RIT1: variants seen among roughly 807,000 people sequenced by gnomAD.
RIT1 encodes Ras like without CAAX 1, also known as GTP-binding protein Rit1.
RIT1 carries 6 observed loss-of-function variants against 25.6 expected under a neutral mutation model. The ratio of observed to expected loss-of-function variants is 0.23; its 90% confidence interval spans 0.13 to 0.46. RIT1 has a LOEUF of 0.46. RIT1 is among the 20% of genes least tolerant of loss of function. The pLI, the probability that RIT1 is intolerant of heterozygous loss-of-function variation, is 0.99. For synonymous variants in RIT1, 81 were observed against 94.1 expected (o/e 0.86, Z 0.80); for missense variants, 219 against 284.4 (o/e 0.77, Z 1.65).
rs1415725131 is a variant in RIT1, at chr1:155,904,895, C to A, written c.164-91G>T. 1.1e-5 allele frequency: 9 copies of A among 807,754 alleles called. No homozygotes were observed. In the African/African-American group the frequency reaches 1.5e-4, roughly 14 times the overall value. 50.0% of individuals were successfully genotyped at this position (807,754 alleles called of 1,614,324 possible). A position where few individuals can be genotyped will look rare whatever the true frequency, so the allele number is the denominator to read the frequency against. On this transcript the variant is annotated intron_variant, in intron 3 of 5. Coordinates refer to ENST00000368323, the MANE Select transcript of RIT1 (RefSeq NM_006912.6). ...CATCTTACAGAGTAGTACATTGTATCCAAATTCATTAAATGCCCACATTTT... is the reference window on the plus strand; with the variant it reads ...CATCTTACAGAGTAGTACATTGTATACAAATTCATTAAATGCCCACATTTT...
intron 5 of RIT1, among the ~76,000 whole-genome samples, chr1:155,903,623 A>C: frequency 6.6e-6 from 1 of 152,132 alleles, no homozygotes; most frequent in East Asian, 1.9e-4. Flanking sequence ...CTTCTACCAT[A>C]AATAGTCTTG....
At chr1:155,910,879 T>G in intron 1 of RIT1, 75 bp from the exon 2 acceptor site, 1 of 1,583,230 alleles carries the variant, frequency 6.3e-7, no homozygotes, top group Non-Finnish European at 8.6e-7. Flanking sequence ...GTGCCTTACC[T>G]TTCCATACAT....
At chr1:155,903,122 C>A (rs1432049450) in intron 5 of RIT1, among the ~76,000 whole-genome samples, 1 of 151,948 alleles carries the variant, frequency 6.6e-6, no homozygotes, top group South Asian at 2.1e-4. Context: ...ACGGTGAAAC[C>A]CCATCTCACT....
chr1:155,905,205 T>C (rs558471836), intron 3 of RIT1, among the ~76,000 whole-genome samples: 2 of 152,130 alleles, frequency 1.3e-5, no homozygotes, highest in East Asian at 3.9e-4. Flanking sequence ...CTCATCTTTT[T>C]TTTTTTTTCT....
At chr1:155,906,762 C>CAAAAAAAAAAAAAAAAAAAAAAAA in intron 3 of RIT1, among the ~76,000 whole-genome samples, 1 of 24,910 alleles carries the variant, frequency 4.0e-5, no homozygotes, top group Non-Finnish European at 9.7e-5. Context: ...TTCTCCGTCT[C>CAAAAAAAAAAAAAAAAAAAAAAAA]AAAAAAAAAA....
rs1673217209 is a variant in RIT1, at chr1:155,897,833, A to G, written c.*2555T>C. The G allele has an allele frequency of 6.6e-6, 1 of 152,354 alleles. No homozygotes were observed. The highest frequency in any genetic ancestry group is 1.5e-5 in the Non-Finnish European group (1 of 68,038). 9.4% of individuals were successfully genotyped at this position (152,354 alleles called of 1,614,324 possible). ...TTGTTTAAAAGTTTTGTATTATGTC[A>G]TACAAACTGTCTTCACATACAAGTG... On this transcript the variant is annotated 3_prime_UTR_variant, in exon 6 of 6. Coordinates refer to ENST00000368323, the MANE Select transcript of RIT1 (RefSeq NM_006912.6).
chr1:155,900,898 C>G lies in RIT1; in HGVS notation c.430-280G>C, dbSNP rs370776643. Among the ~76,000 whole-genome samples the G allele has an allele frequency of 1.2e-4, 19 of 152,242 alleles. 1 individual carries two copies. The East Asian group carries it at 1.9e-3, about 15-fold the overall frequency. Reference sequence around the variant, plus strand: ...CAATGGCATGATTGTGGCTCACAACCTCGGCCTCCCGGGTTCAAGTGATTC... The same window carrying G: ...CAATGGCATGATTGTGGCTCACAACGTCGGCCTCCCGGGTTCAAGTGATTC... On this transcript the variant is annotated intron_variant, in intron 5 of 5. Coordinates refer to ENST00000368323, the MANE Select transcript of RIT1 (RefSeq NM_006912.6).
Position 155,898,492 on chromosome 1 carries a change from T to TTAAAA in RIT1, c.*1895_*1896insTTTTA, listed in dbSNP as rs1491498831. The TTAAAA allele has an allele frequency of 2.9e-5, 1 of 34,312 alleles. No homozygotes were observed. The highest frequency in any genetic ancestry group is 9.3e-5 in the African/African-American group (1 of 10,804). The allele number at this position is 34,312 out of a possible 1,614,324, so 2.1% of individuals were successfully genotyped here. On this transcript the variant is annotated 3_prime_UTR_variant, in exon 6 of 6. Coordinates refer to ENST00000368323, the MANE Select transcript of RIT1 (RefSeq NM_006912.6). ...AACATAGTGAAACCTCATCTCTATT[T>TTAAAA]AAAAAAAAAAAAAAAAAAAAAAAAA... is the stretch of plus-strand genomic sequence containing the variant.
intron 3 of RIT1, among the ~76,000 whole-genome samples, chr1:155,905,298 G>A (rs749030735): frequency 2.0e-5 from 3 of 151,972 alleles, no homozygotes; most frequent in Non-Finnish European, 2.9e-5. Flanking sequence ...CCAGGCTCCA[G>A]TGATTCTCCC....
At position 155,911,319 on chromosome 1, in the gene RIT1, G is replaced by C. The variant is rs1447673378; in HGVS notation, c.-120C>G. The C allele has an allele frequency of 5.3e-6, 1 of 189,866 alleles. No individual in the cohort carries two copies. Among genetic ancestry groups the C allele is most frequent in the Non-Finnish European group, 1.1e-5 (1 of 90,302 alleles). 11.8% of individuals were successfully genotyped at this position (189,866 alleles called of 1,614,324 possible). On this transcript the variant is annotated 5_prime_UTR_variant, in exon 1 of 6. Transcript: ENST00000368323. ...CACAGCCGGTCGGGTCACGCACTTC[G>C]TCTTCCTTCACTCGCGGAGGCTCCG... is the stretch of plus-strand genomic sequence containing the variant.
intron 3 of RIT1, among the ~76,000 whole-genome samples, chr1:155,906,748 GAAATTCTCCGTCTCAAAAAAAAA>G (rs1238639914): frequency 1.1e-5 from 1 of 91,612 alleles, no homozygotes; most frequent in Non-Finnish European, 2.0e-5. Flanking sequence ...CAACAGGAGT[GAAATTCTCCGTCTCAAAAAAAAA>G]AAAAAAAAAA....
chr1:155,904,161 C>A lies in RIT1; in HGVS notation c.429+150G>T, dbSNP rs141525708. 849 of 597,374 alleles carry A rather than the reference C, an allele frequency of 1.4e-3. 5 individuals carry two copies. The African/African-American group carries it at 0.015, about 10-fold the overall frequency. The allele number at this position is 597,374 out of a possible 1,614,324, so 37.0% of individuals were successfully genotyped here. On this transcript the variant is annotated intron_variant, in intron 5 of 5. Transcript: ENST00000368323. ...TTAAGCAACCTGCCCACCTTGGCCCCGCAAAGTACTGGTGTGAGCCACCTC... is the reference window on the plus strand; with the variant it reads ...TTAAGCAACCTGCCCACCTTGGCCCAGCAAAGTACTGGTGTGAGCCACCTC...
chr1:155,907,793 T>C (rs1673477814), intron 3 of RIT1, among the ~76,000 whole-genome samples: 1 of 152,184 alleles, frequency 6.6e-6, no homozygotes, highest in African/African-American at 2.4e-5. Context: ...GGAAAATTGA[T>C]TAAAACAGAT....
intron 3 of RIT1, among the ~76,000 whole-genome samples, chr1:155,908,539 G>A (rs1027392122): frequency 5.3e-5 from 8 of 151,418 alleles, no homozygotes; most frequent in Admixed American, 2.6e-4. Flanking sequence ...TAGAACTCCC[G>A]CCATAATTTG....
chr1:155,911,136 T>G, intron 1 of RIT1, 107 bp downstream of exon 1: 1 of 559,744 alleles, frequency 1.8e-6, no homozygotes. Context: ...CCGCAGGGGT[T>G]CTCTCACGTC....
chr1:155,906,734 T>C (rs893035858), intron 3 of RIT1, among the ~76,000 whole-genome samples: 8 of 118,474 alleles, frequency 6.8e-5, no homozygotes, highest in Non-Finnish European at 1.6e-5. Flanking sequence ...GACTCTAGCC[T>C]GGGCAACAGG....
Position 155,910,758 on chromosome 1 carries a change from C to T in RIT1, c.4G>A (p.Asp2Asn), listed in dbSNP as rs924364497. 6.2e-7 allele frequency: 1 copy of T among 1,614,262 alleles called. No homozygotes were observed. The highest frequency in any genetic ancestry group is 2.2e-5 in the East Asian group (1 of 44,890). Residue 2 changes from aspartate (D) to asparagine (N), a missense_variant, in exon 2 of 6, where the codon GAT becomes AAT. By Grantham distance (23) the Asp-to-Asn change is conservative (BLOSUM62 1). This residue lies in a region of RIT1 where 131 missense variants were observed against 173.6 expected (regional missense o/e 0.75). Transcript: ENST00000368323. ...CTACCAACTGGGCGAGTTCCAGAATCCATTGTCCTCTTGGGGCCTTCCTCG... is the reference window on the plus strand; with the variant it reads ...CTACCAACTGGGCGAGTTCCAGAATTCATTGTCCTCTTGGGGCCTTCCTCG... M[D>N]SGTRPVGSCC...
intron 5 of RIT1, among the ~76,000 whole-genome samples, chr1:155,902,995 T>C (rs1293407054): frequency 1.4e-5 from 2 of 139,352 alleles, no homozygotes; most frequent in African/African-American, 5.5e-5. Context: ...ACCCCGTCTC[T>C]ACTTAAAAAT....
chr1:155,899,932 A>G lies in RIT1; in HGVS notation c.*456T>C, dbSNP rs566283662. The G allele has an allele frequency of 3.8e-4, 85 of 224,134 alleles. No individual in the cohort carries two copies. Among genetic ancestry groups the G allele is most frequent in the Non-Finnish European group, 6.2e-4 (69 of 111,394 alleles). 13.9% of individuals were successfully genotyped at this position (224,134 alleles called of 1,614,324 possible). ...TTTGGCACTGATCTCATTAGCCCCA[A>G]TTTCCCTACATGATTTTTGTTCTGT... On this transcript the variant is annotated 3_prime_UTR_variant, in exon 6 of 6. Coordinates refer to ENST00000368323, the MANE Select transcript of RIT1 (RefSeq NM_006912.6).
Sources: allele counts gnomAD v4.1 joint callset (sites outside exome capture counted in the v4.1 genomes callset), GRCh38; gene constraint gnomAD v4.1.1; regional missense constraint gnomAD v4.1.1; transcripts MANE v1.5; gene names NCBI Gene and HGNC (gene_info 2026-07-23, HGNC 2026-07-21).